CNTNAP2: variants seen among roughly 807,000 people sequenced by gnomAD.
The protein encoded by CNTNAP2 is contactin associated protein 2, also known as contactin-associated protein-like 2.
In CNTNAP2, 98 loss-of-function variants were observed where a neutral mutation model predicts 155.2. That is an observed-to-expected ratio of 0.63 (90% CI 0.54 to 0.75). The LOEUF (loss-of-function observed/expected upper bound fraction) is 0.75, where lower values mean the gene tolerates loss of function less well. CNTNAP2 is among the 30% of genes least tolerant of loss of function. CNTNAP2 has a pLI of 0.00. For synonymous variants in CNTNAP2, 651 were observed against 631.2 expected, an observed-to-expected ratio of 1.03 and a Z score of -0.47; for missense variants, 1,727 against 1,688.1, an observed-to-expected ratio of 1.02 and a Z score of -0.40.
At chr7:147,459,596 G>T (rs1797981585) in intron 10 of CNTNAP2, among the ~76,000 whole-genome samples, 1 of 152,130 alleles carries the variant, frequency 6.6e-6, no homozygotes. Flanking sequence ...ACCAAAACAG[G>T]ATAGAGAGGA....
chr7:147,082,465 T>C (rs1404121748), intron 4 of CNTNAP2: 2 of 152,124 alleles, frequency 1.3e-5, no homozygotes, highest in Non-Finnish European at 2.9e-5. Flanking sequence ...CAAAGGAGAA[T>C]AGAAAACTAG....
At chr7:147,174,709 A>G (rs1802300591) in intron 8 of CNTNAP2, among the ~76,000 whole-genome samples, 1 of 152,158 alleles carries the variant, frequency 6.6e-6, no homozygotes, top group Non-Finnish European at 1.5e-5. Flanking sequence ...ATGCCTTTGA[A>G]GAGAAAAAAG....
intron 1 of CNTNAP2, among the ~76,000 whole-genome samples, chr7:146,550,113 T>G (rs2693392): frequency 0.81 from 122,866 of 151,974 alleles, 50,179 homozygotes; most frequent in South Asian, 0.89. Context: ...TTGGATTGAT[T>G]AAACTTAGGG....
intron 21 of CNTNAP2, among the ~76,000 whole-genome samples, chr7:148,362,248 A>G (rs987589704): frequency 6.6e-6 from 1 of 151,794 alleles, no homozygotes; most frequent in Non-Finnish European, 1.5e-5. Context: ...AGAACTCACT[A>G]TCACGAGAAC....
intron 1 of CNTNAP2, among the ~76,000 whole-genome samples, chr7:146,577,422 AG>A (rs1798542537): frequency 1.3e-5 from 2 of 152,116 alleles, no homozygotes; most frequent in African/African-American, 4.8e-5. Context: ...CAAAATTTAA[AG>A]CACTTCTACT....
intron 9 of CNTNAP2, among the ~76,000 whole-genome samples, chr7:147,313,255 T>G (rs1449657674): frequency 1.3e-5 from 2 of 152,064 alleles, no homozygotes; most frequent in Non-Finnish European, 2.9e-5. Flanking sequence ...GTGCAGAAGC[T>G]CTTTAGTTTA....
At chr7:146,939,962 T>C (rs1797013364) in intron 3 of CNTNAP2, among the ~76,000 whole-genome samples, 1 of 152,188 alleles carries the variant, frequency 6.6e-6, no homozygotes, top group Non-Finnish European at 1.5e-5. Flanking sequence ...CTCACCGGAC[T>C]AATGCTTACA....
chr7:146,218,647 T>C (rs967744965), intron 1 of CNTNAP2, among the ~76,000 whole-genome samples: 7 of 152,196 alleles, frequency 4.6e-5, no homozygotes, highest in Non-Finnish European at 5.9e-5. Context: ...TGAGTACTAC[T>C]TGCTGACAAC....
At chr7:146,483,282 A>AAAAAAATATAT (rs1178407767) in intron 1 of CNTNAP2, among the ~76,000 whole-genome samples, 2 of 39,878 alleles carry the variant, frequency 5.0e-5, no homozygotes, top group Non-Finnish European at 1.0e-4. Flanking sequence ...TCTAAAAAAA[A>AAAAAAATATAT]ATATATATAT....
chr7:147,015,257 T>G (rs1457012985), intron 3 of CNTNAP2, among the ~76,000 whole-genome samples: 7 of 152,146 alleles, frequency 4.6e-5, no homozygotes, highest in Non-Finnish European at 8.8e-5. Context: ...CTGCCCCAAT[T>G]TCTGGATCTC....
At chr7:146,212,234 G>A (rs1320743690) in intron 1 of CNTNAP2, among the ~76,000 whole-genome samples, 1 of 152,072 alleles carries the variant, frequency 6.6e-6, no homozygotes, top group Non-Finnish European at 1.5e-5. Context: ...AGGTGGTTTG[G>A]CCTGAAGTAC....
chr7:148,266,668 T>C (rs1459638994), intron 20 of CNTNAP2, among the ~76,000 whole-genome samples: 1 of 152,168 alleles, frequency 6.6e-6, no homozygotes, highest in African/African-American at 2.4e-5. Flanking sequence ...CAAAACTTCA[T>C]TGCTGTAGAT....
chr7:147,667,805 A>T (rs11535228), intron 13 of CNTNAP2, among the ~76,000 whole-genome samples: 10,590 of 145,916 alleles, frequency 0.073, 455 homozygotes, highest in Middle Eastern at 0.099. Flanking sequence ...CAAAAAAAAA[A>T]AATAATAAAA....
At position 146,609,997 on chromosome 7, in the gene CNTNAP2, T is replaced by C. The variant is rs149792540; in HGVS notation, c.98-164274T>C. Among the ~76,000 whole-genome samples, 660 of 152,294 alleles carry C rather than the reference T, an allele frequency of 4.3e-3. 6 individuals are homozygous for C. The highest frequency in any genetic ancestry group is 0.015 in the African/African-American group (631 of 41,560). ...TCTGAGGGCAGAGCTCTGCAAGCTG[T>C]GATTGAACAAGTCTCCCAGGTGAGT... On this transcript the variant is annotated intron_variant, in intron 1 of 23. Coordinates refer to ENST00000361727, the MANE Select transcript of CNTNAP2 (RefSeq NM_014141.6).
At chr7:148,412,604 A>G (rs1799868410) in intron 23 of CNTNAP2, among the ~76,000 whole-genome samples, 1 of 152,216 alleles carries the variant, frequency 6.6e-6, no homozygotes, top group South Asian at 2.1e-4. Flanking sequence ...TTTTTTGTAT[A>G]TTCCTCAGAA....
chr7:147,200,253 T>G (rs769960500), intron 8 of CNTNAP2, among the ~76,000 whole-genome samples: 2 of 152,124 alleles, frequency 1.3e-5, no homozygotes, highest in Non-Finnish European at 2.9e-5. Context: ...ATGCCAAGAC[T>G]TGTGAGAGGG....
At chr7:147,696,682 T>A (rs1183333267) in intron 13 of CNTNAP2, among the ~76,000 whole-genome samples, 1 of 152,158 alleles carries the variant, frequency 6.6e-6, no homozygotes, top group Non-Finnish European at 1.5e-5. Context: ...TTTTTGCAAG[T>A]CAGATCTACT....
chr7:146,362,444 G>GAC (rs907134714), intron 1 of CNTNAP2, among the ~76,000 whole-genome samples: 1 of 152,156 alleles, frequency 6.6e-6, no homozygotes, highest in African/African-American at 2.4e-5. Flanking sequence ...TTCATAAGAA[G>GAC]ACACGCTTCA....
chr7:148,100,901 C>T lies in CNTNAP2; in HGVS notation c.2384-17217C>T, dbSNP rs141611487. 6.1e-3 allele frequency among the ~76,000 whole-genome samples: 922 copies of T among 152,084 alleles called. 18 individuals carry two copies. The highest frequency in any genetic ancestry group is 0.052 in the East Asian group (269 of 5,158). Reference sequence around the variant, plus strand: ...AACCTAAATGTCCAACAATGATAGACTGGATTAAGAAAATGTGGCACATAT... The same window carrying T: ...AACCTAAATGTCCAACAATGATAGATTGGATTAAGAAAATGTGGCACATAT... On this transcript the variant is annotated intron_variant, in intron 15 of 23. Coordinates refer to ENST00000361727, the MANE Select transcript of CNTNAP2 (RefSeq NM_014141.6).
Sources: gnomAD v4.1 joint callset for allele counts (sites outside exome capture counted in the v4.1 genomes callset) on GRCh38, gnomAD v4.1.1 for gene constraint, MANE v1.5 for transcripts, NCBI Gene and HGNC (gene_info 2026-07-23, HGNC 2026-07-21) for gene names.